NRXN3: variants seen among roughly 807,000 people sequenced by gnomAD.
The protein encoded by NRXN3 is neurexin III.
Under a neutral mutation model 137.6 loss-of-function variants are expected in NRXN3, and 32 were observed. The ratio of observed to expected loss-of-function variants is 0.23; its 90% CI spans 0.18 to 0.31. NRXN3 has a LOEUF of 0.31. Among genes scored for constraint, NRXN3 ranks in the 10% least tolerant of loss-of-function variants. The probability of loss-of-function intolerance (pLI) is 1.00; values close to 1 mark genes in which losing one functional copy is unlikely to be tolerated. For synonymous variants in NRXN3, 798 were observed against 784.5 expected (o/e 1.02, Z -0.29); for missense variants, 1,574 against 2,062.5 (o/e 0.76, Z 4.59).
intron 19 of NRXN3, among the ~76,000 whole-genome samples, chr14:79,771,398 C>A (rs1031997958): frequency 1.1e-4 from 16 of 152,250 alleles, no homozygotes; most frequent in Admixed American, 6.5e-4. Context: ...CAAACCGACT[C>A]CAGCAGCACA....
At chr14:79,837,670 T>G (rs1048201978) in intron 20 of NRXN3, among the ~76,000 whole-genome samples, 1 of 152,180 alleles carries the variant, frequency 6.6e-6, no homozygotes, top group Non-Finnish European at 1.5e-5. Flanking sequence ...TTGATGTCAT[T>G]TTTTGTACAA....
At chr14:78,496,148 C>G (rs1490847043) in intron 4 of NRXN3, among the ~76,000 whole-genome samples, 1 of 152,140 alleles carries the variant, frequency 6.6e-6, no homozygotes, top group Non-Finnish European at 1.5e-5. Flanking sequence ...AATTTTTATT[C>G]TGATTATTTT....
At chr14:79,279,154 C>T (rs1451829782) in intron 15 of NRXN3, among the ~76,000 whole-genome samples, 1 of 152,082 alleles carries the variant, frequency 6.6e-6, no homozygotes, top group Non-Finnish European at 1.5e-5. Flanking sequence ...GGGGCGGGAG[C>T]CGCGCGAGCG....
At chr14:79,429,256 A>G (rs1033549892) in intron 15 of NRXN3, among the ~76,000 whole-genome samples, 1 of 152,146 alleles carries the variant, frequency 6.6e-6, no homozygotes, top group Non-Finnish European at 1.5e-5. Context: ...AATGGGTCCA[A>G]TCCTTCTATA....
intron 4 of NRXN3, among the ~76,000 whole-genome samples, chr14:78,477,274 T>C (rs2095396041): frequency 6.6e-6 from 1 of 152,216 alleles, no homozygotes; most frequent in Non-Finnish European, 1.5e-5. Context: ...TCATTCATTC[T>C]CTACATTTCA....
intron 6 of NRXN3, among the ~76,000 whole-genome samples, chr14:78,695,069 C>T (rs1003928076): frequency 1.3e-5 from 2 of 152,018 alleles, no homozygotes; most frequent in Admixed American, 1.3e-4. Context: ...AGGAGAGAAT[C>T]TGTTGCTTGA....
Position 79,561,217 on chromosome 14 carries a change from T to G in NRXN3, c.3444+93815T>G, listed in dbSNP as rs1282507101. Among the ~76,000 whole-genome samples the G allele has an allele frequency of 3.3e-5, 5 of 152,114 alleles. No homozygotes were observed. In the South Asian group the frequency reaches 1.0e-3, roughly 32 times the overall value. ...AAATTGTCTTTCTCCAGCTGTTGAA[T>G]ACAACTCATAATGCTATTCAATAAA... is the stretch of plus-strand genomic sequence containing the variant. On this transcript the variant is annotated intron_variant, in intron 16 of 20. Transcript: ENST00000335750.
intron 15 of NRXN3, among the ~76,000 whole-genome samples, chr14:79,039,796 A>T (rs1156749806): frequency 6.6e-6 from 1 of 151,722 alleles, no homozygotes; most frequent in Non-Finnish European, 1.5e-5. Context: ...GGCTCAAGCA[A>T]TCCTCTCATT....
At chr14:79,630,284 A>G (rs2098331347) in intron 16 of NRXN3, among the ~76,000 whole-genome samples, 1 of 152,238 alleles carries the variant, frequency 6.6e-6, no homozygotes, top group African/African-American at 2.4e-5. Context: ...CCCCCTCAGC[A>G]TAAGGACAAC....
At chr14:79,740,712 TTATATATATATATATATA>T (rs869216055) in intron 19 of NRXN3, among the ~76,000 whole-genome samples, 710 of 16,074 alleles carry the variant, frequency 0.044, 12 homozygotes, top group Middle Eastern at 0.062. Context: ...ATTTAGTTTT[TTATATATATATATATATA>T]TATATATATA....
intron 19 of NRXN3, among the ~76,000 whole-genome samples, chr14:79,761,296 A>G (rs1016811429): frequency 9.9e-5 from 15 of 151,636 alleles, no homozygotes; most frequent in Non-Finnish European, 2.1e-4. Context: ...GTTCAACGCA[A>G]TGATCCTTCA....
chr14:79,353,661 T>C (rs941314707), intron 15 of NRXN3, among the ~76,000 whole-genome samples: 5 of 152,190 alleles, frequency 3.3e-5, no homozygotes, highest in Non-Finnish European at 7.4e-5. Flanking sequence ...CACTGATTCT[T>C]GGACAACTAC....
intron 15 of NRXN3, among the ~76,000 whole-genome samples, chr14:79,029,633 T>C (rs2099604111): frequency 1.3e-5 from 2 of 152,150 alleles, no homozygotes; most frequent in African/African-American, 4.8e-5. Context: ...CTATGCATTA[T>C]AGGATATTTA....
chr14:79,826,413 A>C (rs1437500204), intron 20 of NRXN3, among the ~76,000 whole-genome samples: 1 of 152,196 alleles, frequency 6.6e-6, no homozygotes. Flanking sequence ...AACATTTGCC[A>C]CATTTGCTTT....
chr14:79,142,443 G>A (rs775590569), intron 15 of NRXN3, among the ~76,000 whole-genome samples: 1 of 151,790 alleles, frequency 6.6e-6, no homozygotes, highest in Non-Finnish European at 1.5e-5. Context: ...AAAAAGTAAA[G>A]GGCAGACAGA....
intron 20 of NRXN3, among the ~76,000 whole-genome samples, chr14:79,814,769 G>T (rs1264091271): frequency 6.6e-6 from 1 of 152,184 alleles, no homozygotes; most frequent in African/African-American, 2.4e-5. Context: ...CATTTCTGCT[G>T]TGTAGAACAG....
At chr14:78,782,921 A>G (rs908984647) in intron 8 of NRXN3, among the ~76,000 whole-genome samples, 2 of 152,236 alleles carry the variant, frequency 1.3e-5, no homozygotes, top group Non-Finnish European at 2.9e-5. Context: ...GAATAAGAAC[A>G]CAGTTGAGTT....
chr14:79,006,326 CA>C (rs1329982667), intron 15 of NRXN3, among the ~76,000 whole-genome samples: 1 of 149,708 alleles, frequency 6.7e-6, no homozygotes, highest in Non-Finnish European at 1.5e-5. Context: ...TGGTAAATGG[CA>C]AAAAACAAAC....
At chr14:79,543,243 G>C (rs893535631) in intron 16 of NRXN3, among the ~76,000 whole-genome samples, 6 of 152,140 alleles carry the variant, frequency 3.9e-5, no homozygotes, top group African/African-American at 1.4e-4. Flanking sequence ...CTTCTTCTGT[G>C]ATGTTACTTA....
Sources: allele counts gnomAD v4.1 joint callset (sites outside exome capture counted in the v4.1 genomes callset), GRCh38; gene constraint gnomAD v4.1.1; transcripts MANE v1.5; gene names NCBI Gene and HGNC (gene_info 2026-07-23, HGNC 2026-07-21).